The following ROBO2 variants were observed in gnomAD, a reference collection of about 807,000 sequenced individuals.
ROBO2 encodes roundabout homolog 2.
A neutral mutation model predicts 160.8 loss-of-function variants in ROBO2; 53 were observed. The ratio of observed to expected loss-of-function variants is 0.33; its 90% CI spans 0.26 to 0.41. The LOEUF is 0.41. Among genes scored for constraint, ROBO2 ranks in the 10% least tolerant of loss-of-function variants. The pLI, the probability that ROBO2 is intolerant of heterozygous loss-of-function variation, is 1.00. For synonymous variants in ROBO2, 664 were observed against 611.7 expected, an observed-to-expected ratio of 1.09 and a Z score of -1.26; for missense variants, 1,577 against 1,722.4, an observed-to-expected ratio of 0.92 and a Z score of 1.49.
chr3:76,879,524 C>T (rs1290296249), intron 2 of ROBO2, among the ~76,000 whole-genome samples: 2 of 151,960 alleles, frequency 1.3e-5, no homozygotes, highest in Admixed American at 6.6e-5. Context: ...AAACATCAAT[C>T]GACCAACATA....
chr3:76,693,129 A>G (rs1305604090), intron 2 of ROBO2, among the ~76,000 whole-genome samples: 2 of 149,580 alleles, frequency 1.3e-5, no homozygotes, highest in Admixed American at 1.3e-4. Flanking sequence ...GTGTATATAC[A>G]TATATATGTG....
At chr3:76,912,589 C>G (rs769436771) in intron 2 of ROBO2, among the ~76,000 whole-genome samples, 1 of 152,134 alleles carries the variant, frequency 6.6e-6, no homozygotes, top group Non-Finnish European at 1.5e-5. Context: ...TAATCGATAA[C>G]AGCCAATTGC....
chr3:76,217,590 A>G (rs1703639990), intron 2 of ROBO2, among the ~76,000 whole-genome samples: 1 of 152,238 alleles, frequency 6.6e-6, no homozygotes, highest in Non-Finnish European at 1.5e-5. Context: ...CTCGAAACAT[A>G]CACTCTCCCA....
intron 2 of ROBO2, among the ~76,000 whole-genome samples, chr3:76,085,083 A>G (rs888569873): frequency 2.7e-5 from 4 of 150,158 alleles, no homozygotes; most frequent in African/African-American, 9.9e-5. Context: ...AGTTTGTGTA[A>G]CACAAACCCC....
intron 2 of ROBO2, among the ~76,000 whole-genome samples, chr3:76,279,714 C>T (rs1214606597): frequency 6.6e-6 from 1 of 150,564 alleles, no homozygotes; most frequent in Non-Finnish European, 1.5e-5. Flanking sequence ...TAAGGGGAAA[C>T]AATTATCATT....
At chr3:75,973,068 T>C (rs1479877714) in intron 2 of ROBO2, among the ~76,000 whole-genome samples, 2 of 151,730 alleles carry the variant, frequency 1.3e-5, no homozygotes, top group African/African-American at 2.4e-5. Context: ...TTTCCTGAAG[T>C]AAGAAGACAT....
intron 2 of ROBO2, among the ~76,000 whole-genome samples, chr3:76,466,544 G>A (rs1394961644): frequency 6.6e-6 from 1 of 151,924 alleles, no homozygotes; most frequent in Non-Finnish European, 1.5e-5. Flanking sequence ...GTATGATGGT[G>A]TACAATGAAA....
intron 2 of ROBO2, among the ~76,000 whole-genome samples, chr3:76,074,301 A>G (rs746106506): frequency 1.3e-5 from 2 of 152,250 alleles, no homozygotes; most frequent in Non-Finnish European, 2.9e-5. Flanking sequence ...AGCTACACCC[A>G]GTCTCAACAT....
chr3:76,227,179 G>A (rs1448564031), intron 2 of ROBO2, among the ~76,000 whole-genome samples: 3 of 152,218 alleles, frequency 2.0e-5, no homozygotes, highest in Admixed American at 6.5e-5. Flanking sequence ...AATGCTAAAT[G>A]AATCAGATAC....
intron 2 of ROBO2, among the ~76,000 whole-genome samples, chr3:76,742,940 C>G (rs746307280): frequency 3.9e-5 from 6 of 151,958 alleles, no homozygotes; most frequent in Non-Finnish European, 8.8e-5. Flanking sequence ...CTATGGCCAA[C>G]AGTGTTATGA....
At chr3:77,526,599 A>G (rs115243288) in intron 6 of ROBO2, among the ~76,000 whole-genome samples, 1 of 151,694 alleles carries the variant, frequency 6.6e-6, no homozygotes, top group African/African-American at 2.4e-5. Context: ...TTAAAAAAGG[A>G]TTATGAAGCC....
At chr3:76,126,663 T>C (rs1264855053) in intron 2 of ROBO2, among the ~76,000 whole-genome samples, 1 of 152,068 alleles carries the variant, frequency 6.6e-6, no homozygotes, top group Middle Eastern at 3.2e-3. Flanking sequence ...AATATATAAG[T>C]AAAAATAGAA....
At chr3:76,137,970 T>C (rs1577013375) in intron 2 of ROBO2, among the ~76,000 whole-genome samples, 1 of 152,132 alleles carries the variant, frequency 6.6e-6, no homozygotes, top group East Asian at 1.9e-4. Flanking sequence ...CTGCAAAATA[T>C]CCTTTGCCAC....
At chr3:76,518,639 C>CA (rs1216737997) in intron 2 of ROBO2, among the ~76,000 whole-genome samples, 4 of 152,148 alleles carry the variant, frequency 2.6e-5, no homozygotes, top group East Asian at 1.9e-4. Context: ...CTATGTATTA[C>CA]AAAAAACAAA....
At chr3:76,612,469 A>G (rs1477569590) in intron 2 of ROBO2, among the ~76,000 whole-genome samples, 1 of 152,116 alleles carries the variant, frequency 6.6e-6, no homozygotes, top group East Asian at 1.9e-4. Context: ...CAAACACCAC[A>G]TGTTCTCACT....
intron 2 of ROBO2, among the ~76,000 whole-genome samples, chr3:77,170,841 T>A (rs1188489558): frequency 2.0e-5 from 3 of 152,164 alleles, no homozygotes; most frequent in African/African-American, 4.8e-5. Context: ...AATGAATGTT[T>A]AAAATTTTAT....
At chr3:76,401,753 A>G (rs563881716) in intron 2 of ROBO2, among the ~76,000 whole-genome samples, 56 of 151,614 alleles carry the variant, frequency 3.7e-4, no homozygotes, top group African/African-American at 1.3e-3. Context: ...AAAAAAAACT[A>G]TCATAAAACT....
At chr3:76,194,585 G>A (rs1287942328) in intron 2 of ROBO2, among the ~76,000 whole-genome samples, 4 of 151,436 alleles carry the variant, frequency 2.6e-5, no homozygotes, top group Non-Finnish European at 5.9e-5. Context: ...GTTAATACCG[G>A]AAGGACTGTA....
intron 1 of ROBO2, among the ~76,000 whole-genome samples, chr3:75,920,772 C>T (rs1947006234): frequency 6.6e-6 from 1 of 152,112 alleles, no homozygotes; most frequent in South Asian, 2.1e-4. Flanking sequence ...GATCCCTTTA[C>T]TACTACGTAA....
Sources: gnomAD v4.1 joint callset for allele counts (sites outside exome capture counted in the v4.1 genomes callset) on GRCh38, gnomAD v4.1.1 for gene constraint, MANE v1.5 for transcripts, NCBI Gene and HGNC (gene_info 2026-07-23, HGNC 2026-07-21) for gene names.